The following FYB1 variants were observed in gnomAD, a reference collection of about 807,000 sequenced individuals.
The protein encoded by FYB1 is FYN-binding protein 1.
Under a neutral mutation model 94.1 loss-of-function variants are expected in FYB1, and 41 were observed. That is an observed-to-expected ratio of 0.44 (90% CI 0.34 to 0.57). The LOEUF is 0.57. Among genes scored for constraint, FYB1 ranks in the 20% least tolerant of loss-of-function variants. The pLI is 0.02. For synonymous variants in FYB1, 367 were observed against 353.2 expected, an observed-to-expected ratio of 1.04 and a Z score of -0.44; for missense variants, 1,050 against 976.8, an observed-to-expected ratio of 1.07 and a Z score of -1.00.
intron 1 of FYB1, among the ~76,000 whole-genome samples, chr5:39,238,650 T>G (rs1018253355): frequency 6.6e-6 from 1 of 152,050 alleles, no homozygotes; most frequent in Non-Finnish European, 1.5e-5. Context: ...GCCCTCAAAG[T>G]GTCTGCATAC....
chr5:39,154,570 G>A (rs1391091435), intron 2 of FYB1, among the ~76,000 whole-genome samples: 1 of 150,554 alleles, frequency 6.6e-6, no homozygotes, highest in African/African-American at 2.5e-5. Context: ...GCAGCGGTGC[G>A]ATCTCGGCTC....
chr5:39,188,848 T>TA (rs1192808990), intron 2 of FYB1, among the ~76,000 whole-genome samples: 3 of 152,172 alleles, frequency 2.0e-5, no homozygotes, highest in East Asian at 3.8e-4. Context: ...CAGTACTTTT[T>TA]AATGTGATCC....
intron 9 of FYB1, among the ~76,000 whole-genome samples, chr5:39,130,921 A>G (rs1351978850): frequency 1.3e-5 from 2 of 152,174 alleles, no homozygotes; most frequent in Non-Finnish European, 1.5e-5. Flanking sequence ...ACATTATGAC[A>G]TCATTCCATA....
In FYB1 at chr5:39,153,469, A is replaced by T; in HGVS notation, c.1271T>A (p.Ile424Asn). ...PPVPSLPPRN[I>N]KPPFDLKSPV... is the part of the protein sequence containing the mutation. ...TTACTTTAGGTCAAACGGAGGTTTAATGTTTCTGGGAGGTAGGCTTGGGAC... is the reference window on the plus strand; with the variant it reads ...TTACTTTAGGTCAAACGGAGGTTTATTGTTTCTGGGAGGTAGGCTTGGGAC... Residue 424 changes from isoleucine (I) to asparagine (N), a missense_variant, in exon 3 of 19, where the codon ATT (isoleucine) becomes AAT (asparagine). Ile to Asn is a moderately radical substitution (Grantham distance 149, BLOSUM62 -3). Coordinates refer to ENST00000512982, the MANE Select transcript of FYB1 (RefSeq NM_001465.6). The T allele has an allele frequency of 6.2e-7, 1 of 1,613,900 alleles. No homozygotes were observed. The highest frequency in any genetic ancestry group is 8.5e-7 in the Non-Finnish European group (1 of 1,179,850).
chr5:39,131,188 T>C (rs1408880430), intron 9 of FYB1, among the ~76,000 whole-genome samples: 1 of 152,226 alleles, frequency 6.6e-6, no homozygotes, highest in Non-Finnish European at 1.5e-5. Flanking sequence ...CACATCATTC[T>C]ATATTTTCTC....
chr5:39,114,413 C>A (rs575591363), intron 16 of FYB1, among the ~76,000 whole-genome samples: 1 of 152,106 alleles, frequency 6.6e-6, no homozygotes, highest in Non-Finnish European at 1.5e-5. Context: ...GGCTGATGTC[C>A]CACTGCGTAA....
chr5:39,148,151 TTTTTTATATATA>T (rs1342466171), intron 3 of FYB1, among the ~76,000 whole-genome samples: 9 of 58,728 alleles, frequency 1.5e-4, no homozygotes, highest in African/African-American at 8.4e-4. Context: ...ATTATATGTA[TTTTTTATATATA>T]TATATATATA....
chr5:39,124,363 C>A (rs554604437), intron 12 of FYB1, 85 bp from the exon 13 acceptor site: 4 of 864,542 alleles, frequency 4.6e-6, no homozygotes, highest in African/African-American at 3.6e-5. Flanking sequence ...TATAAAGGGG[C>A]AATAGCCTAG....
At chr5:39,108,064 G>A (rs1429199649) in intron 18 of FYB1, among the ~76,000 whole-genome samples, 167 bp downstream of exon 18, 2 of 151,734 alleles carry the variant, frequency 1.3e-5, no homozygotes, top group Admixed American at 6.6e-5. Context: ...TGGGAAATGC[G>A]GTATTTTCCC....
intron 1 of FYB1, among the ~76,000 whole-genome samples, chr5:39,237,906 G>A (rs1433786933): frequency 6.6e-6 from 1 of 152,078 alleles, no homozygotes; most frequent in Non-Finnish European, 1.5e-5. Flanking sequence ...GTATGAACCT[G>A]TTTCAATCTC....
At chr5:39,211,883 T>A (rs1271425313) in intron 1 of FYB1, among the ~76,000 whole-genome samples, 1 of 152,250 alleles carries the variant, frequency 6.6e-6, no homozygotes, top group East Asian at 1.9e-4. Flanking sequence ...ATTGTCTACA[T>A]GGAGTGAAGT....
chr5:39,174,145 C>T (rs1280553747), intron 2 of FYB1, among the ~76,000 whole-genome samples: 1 of 152,072 alleles, frequency 6.6e-6, no homozygotes. Flanking sequence ...TTGTGGTTCT[C>T]CTTGAAGAGG....
At chr5:39,138,487 G>C in intron 6 of FYB1, 170 bp downstream of exon 6, 1 of 490,012 alleles carries the variant, frequency 2.0e-6, no homozygotes, top group East Asian at 3.5e-5. Context: ...AGAATTCTTA[G>C]AGAACTAAAT....
chr5:39,141,616 A>C (rs182431294), intron 3 of FYB1, among the ~76,000 whole-genome samples: 93 of 152,204 alleles, frequency 6.1e-4, no homozygotes, highest in African/African-American at 2.1e-3. Flanking sequence ...AGGGCAAAAC[A>C]CCGTCTCTCC....
At chr5:39,237,397 G>C (rs997148333) in intron 1 of FYB1, among the ~76,000 whole-genome samples, 1 of 151,938 alleles carries the variant, frequency 6.6e-6, no homozygotes, top group Non-Finnish European at 1.5e-5. Context: ...CAGTCTGTGG[G>C]TCCAGGTGTT....
At chr5:39,141,812 C>T (rs1324615100) in intron 3 of FYB1, among the ~76,000 whole-genome samples, 2 of 150,964 alleles carry the variant, frequency 1.3e-5, no homozygotes, top group Non-Finnish European at 2.9e-5. Flanking sequence ...GTGGAGGTTG[C>T]AGTGAGCTAA....
At chr5:39,232,523 T>TTTA (rs1554042917) in intron 1 of FYB1, among the ~76,000 whole-genome samples, 11,067 of 150,750 alleles carry the variant, frequency 0.073, 1,152 homozygotes, top group African/African-American at 0.22. Context: ...TAAACATTTA[T>TTTA]TTTATTTATT....
intron 2 of FYB1, chr5:39,169,684 A>C (rs1187725201): frequency 2.3e-5 from 10 of 441,632 alleles, no homozygotes; most frequent in Non-Finnish European, 4.4e-5. Flanking sequence ...GTCTCTATTG[A>C]AAGTACAAAA....
chr5:39,151,991 C>T (rs1043534243), intron 3 of FYB1, among the ~76,000 whole-genome samples: 1 of 152,134 alleles, frequency 6.6e-6, no homozygotes. Context: ...TCTAGCTTCC[C>T]CTTCTTGGGG....
Sources: gnomAD v4.1 joint callset for allele counts (sites outside exome capture counted in the v4.1 genomes callset) on GRCh38, gnomAD v4.1.1 for gene constraint, MANE v1.5 for transcripts, NCBI Gene and HGNC (gene_info 2026-07-23, HGNC 2026-07-21) for gene names.